PRKN: variants seen among roughly 807,000 people sequenced by gnomAD.
The protein encoded by PRKN is parkin RBR E3 ubiquitin protein ligase.
PRKN carries 56 observed loss-of-function variants against 59.5 expected under a neutral mutation model. The ratio of observed to expected loss-of-function variants is 0.94; its 90% CI spans 0.76 to 1.18. The LOEUF is 1.18. PRKN is among the 50% of genes most tolerant of loss of function. The pLI is 0.00. For synonymous variants in PRKN, 250 were observed against 222.1 expected, an observed-to-expected ratio of 1.13 and a Z score of -1.12; for missense variants, 657 against 596.4, an observed-to-expected ratio of 1.10 and a Z score of -1.06.
At chr6:162,417,494 G>T (rs1788690987) in intron 2 of PRKN, among the ~76,000 whole-genome samples, 1 of 152,184 alleles carries the variant, frequency 6.6e-6, no homozygotes, top group African/African-American at 2.4e-5. Flanking sequence ...GCTGAAGGGA[G>T]ACATATGTAA....
chr6:161,733,770 G>GAAAAA lies in PRKN; in HGVS notation c.871+51997_871+52001dup, dbSNP rs71544915. ...GTATTGTTGAAAATTCCCAGGGGGT[G>GAAAAA]AAAAAAAAAAAAAATATATATATAT... On this transcript the variant is annotated intron_variant, in intron 7 of 11. Coordinates refer to ENST00000366898, the MANE Select transcript of PRKN (RefSeq NM_004562.3). Among the ~76,000 whole-genome samples the GAAAAA allele has an allele frequency of 4.4e-3, 451 of 102,292 alleles. 9 individuals carry two copies. Among genetic ancestry groups the GAAAAA allele is most frequent in the African/African-American group, 0.017 (398 of 22,984 alleles). The allele number at this position is 102,292 out of a possible 152,430, so 67.1% of individuals were successfully genotyped here.
chr6:162,618,079 T>TTTAGTGTC (rs1212554973), intron 1 of PRKN, among the ~76,000 whole-genome samples: 3 of 152,228 alleles, frequency 2.0e-5, no homozygotes, highest in African/African-American at 7.2e-5. Context: ...TTATTCTTTC[T>TTTAGTGTC]TTAGTGTCTT....
intron 7 of PRKN, among the ~76,000 whole-genome samples, chr6:161,759,320 T>C (rs982543724): frequency 6.6e-6 from 1 of 152,170 alleles, no homozygotes; most frequent in Non-Finnish European, 1.5e-5. Context: ...AACTAGGATC[T>C]AGGGGCTTCC....
intron 7 of PRKN, among the ~76,000 whole-genome samples, chr6:161,748,687 C>T (rs1224531277): frequency 3.3e-5 from 5 of 152,068 alleles, no homozygotes; most frequent in Admixed American, 1.3e-4. Context: ...TCTGCAGGTG[C>T]CTTTAGTGAG....
chr6:162,390,599 CCTGG>C (rs1787133423), intron 2 of PRKN, among the ~76,000 whole-genome samples: 1 of 151,652 alleles, frequency 6.6e-6, no homozygotes, highest in South Asian at 2.1e-4. Flanking sequence ...CCCCACCACG[CCTGG>C]CTAATATTTG....
At chr6:161,671,465 G>A (rs73786421) in intron 7 of PRKN, among the ~76,000 whole-genome samples, 1 of 152,106 alleles carries the variant, frequency 6.6e-6, no homozygotes, top group Non-Finnish European at 1.5e-5. Flanking sequence ...CTATGAGTCG[G>A]AGTATTCAAC....
intron 9 of PRKN, among the ~76,000 whole-genome samples, chr6:161,433,159 T>C (rs965647240): frequency 2.0e-5 from 3 of 152,238 alleles, no homozygotes; most frequent in Non-Finnish European, 2.9e-5. Flanking sequence ...GCTAAAAGAC[T>C]TCTTCCATTG....
intron 7 of PRKN, among the ~76,000 whole-genome samples, chr6:161,607,104 C>A (rs554772007): frequency 6.6e-6 from 1 of 152,278 alleles, no homozygotes; most frequent in South Asian, 2.1e-4. Flanking sequence ...CACCACTGGG[C>A]AGGACATTAT....
rs1785010554 is a variant in PRKN at position 161,362,376 on chromosome 6, G to A, written c.1168-2171C>T. On this transcript the variant is annotated intron_variant, in intron 10 of 11. Coordinates refer to ENST00000366898, the MANE Select transcript of PRKN (RefSeq NM_004562.3). This position sits in a 1 kb window ranked among gnomAD's most constrained non-coding sequence, Gnocchi z 5.2. ...TTAGTCCCGCGCTGCCCATCATCTGGGTCTTCCCAGGCCCTAAGGGCACAG... is the reference window on the plus strand; with the variant it reads ...TTAGTCCCGCGCTGCCCATCATCTGAGTCTTCCCAGGCCCTAAGGGCACAG... 6.6e-6 allele frequency among the ~76,000 whole-genome samples: 1 copy of A among 152,132 alleles called. No homozygotes were observed. Among genetic ancestry groups the A allele is most frequent in the African/African-American group, 2.4e-5 (1 of 41,438 alleles).
At chr6:161,993,454 A>T (rs143801511) in intron 5 of PRKN, among the ~76,000 whole-genome samples, 398 of 152,328 alleles carry the variant, frequency 2.6e-3, no homozygotes, top group African/African-American at 7.7e-3. Context: ...AGCAGTAATT[A>T]AAAGTCCCCC....
chr6:161,348,595 T>C lies in PRKN; in HGVS notation c.*1504A>G, dbSNP rs1370619911. On this transcript the variant is annotated 3_prime_UTR_variant, in exon 12 of 12. Transcript: ENST00000366898. The surrounding 1 kb of genome is among the most constrained non-coding windows in gnomAD (Gnocchi z 4.9). ...GAAAAGAGGGACAGGTGTCCCAGGA[T>C]GTGGAAAACTTGAGTTCATCCCCTC... is the stretch of plus-strand genomic sequence containing the variant. 1 of 207,250 alleles carries C rather than the reference T, an allele frequency of 4.8e-6. No individual in the cohort carries two copies. The highest frequency in any genetic ancestry group is 9.8e-6 in the Non-Finnish European group (1 of 101,602). 12.8% of individuals were successfully genotyped at this position (207,250 alleles called of 1,614,324 possible). A position where few individuals can be genotyped will look rare whatever the true frequency, so the allele number is the denominator to read the frequency against.
chr6:162,621,308 G>A (rs151326296), intron 1 of PRKN, among the ~76,000 whole-genome samples: 91 of 152,256 alleles, frequency 6.0e-4, no homozygotes, highest in African/African-American at 2.1e-3. Context: ...CCCCTGCCTT[G>A]GAAATTGCAC....
At chr6:161,983,951 C>T (rs919747395) in intron 5 of PRKN, among the ~76,000 whole-genome samples, 3 of 151,778 alleles carry the variant, frequency 2.0e-5, no homozygotes, top group African/African-American at 7.3e-5. Context: ...CATTACTGAC[C>T]CTTATAAAAT....
intron 7 of PRKN, among the ~76,000 whole-genome samples, chr6:161,600,093 A>G (rs1461580579): frequency 1.3e-5 from 2 of 152,232 alleles, no homozygotes; most frequent in Non-Finnish European, 2.9e-5. Context: ...TTTTCTTAGA[A>G]AAGCTCTGGG....
At chr6:162,153,480 C>A (rs886413824) in intron 4 of PRKN, among the ~76,000 whole-genome samples, 1 of 152,168 alleles carries the variant, frequency 6.6e-6, no homozygotes, top group Admixed American at 6.5e-5. Context: ...ATCAGTTCAG[C>A]GGGCCCTTTG....
At chr6:162,354,660 T>A (rs1784768962) in intron 2 of PRKN, among the ~76,000 whole-genome samples, 1 of 152,060 alleles carries the variant, frequency 6.6e-6, no homozygotes, top group South Asian at 2.1e-4. Flanking sequence ...CATACATTTA[T>A]TACATAATTT....
chr6:162,518,178 T>C (rs1258293102), intron 1 of PRKN, among the ~76,000 whole-genome samples: 2 of 152,120 alleles, frequency 1.3e-5, no homozygotes, highest in East Asian at 1.9e-4. Context: ...GTTAACAGTC[T>C]TACTACATAA....
intron 1 of PRKN, among the ~76,000 whole-genome samples, chr6:162,489,947 G>C (rs895477650): frequency 2.6e-5 from 4 of 152,046 alleles, no homozygotes; most frequent in Admixed American, 2.0e-4. Context: ...TTAAATCCTT[G>C]TTTCTTTTTA....
At chr6:162,612,677 G>A (rs1192452885) in intron 1 of PRKN, among the ~76,000 whole-genome samples, 4 of 151,046 alleles carry the variant, frequency 2.6e-5, no homozygotes, top group Admixed American at 6.6e-5. Context: ...CACATCAACA[G>A]CATAAGTTCT....
Sources: allele counts gnomAD v4.1 joint callset (sites outside exome capture counted in the v4.1 genomes callset), GRCh38; gene constraint gnomAD v4.1.1; non-coding constraint Gnocchi (gnomAD v3.1); transcripts MANE v1.5; gene names NCBI Gene and HGNC (gene_info 2026-07-23, HGNC 2026-07-21).